The following PDE11A variants were observed in gnomAD, a reference collection of about 807,000 sequenced individuals.
The protein encoded by PDE11A is phosphodiesterase 11A.
Under a neutral mutation model 100.5 loss-of-function variants are expected in PDE11A, and 100 were observed. That is an observed-to-expected ratio of 1.00 (90% CI 0.85 to 1.18). PDE11A has a LOEUF of 1.18. PDE11A is among the 50% of genes most tolerant of loss of function. PDE11A has a pLI of 0.00. For synonymous variants in PDE11A, 381 were observed against 420.8 expected, an observed-to-expected ratio of 0.91 and a Z score of 1.16; for missense variants, 1,141 against 1,152.6, an observed-to-expected ratio of 0.99 and a Z score of 0.15.
At chr2:177,858,939 C>T (rs2083893007) in intron 5 of PDE11A, among the ~76,000 whole-genome samples, 1 of 152,076 alleles carries the variant, frequency 6.6e-6, no homozygotes, top group Non-Finnish European at 1.5e-5. Flanking sequence ...AGTTCATGTC[C>T]TTTGTAGGGA....
At chr2:177,883,001 G>A (rs1037223249) in intron 4 of PDE11A, among the ~76,000 whole-genome samples, 3 of 152,154 alleles carry the variant, frequency 2.0e-5, no homozygotes, top group African/African-American at 7.2e-5. Flanking sequence ...CAAGTGTGGT[G>A]GCTCACACCT....
At chr2:177,791,151 T>C (rs892210685) in intron 9 of PDE11A, among the ~76,000 whole-genome samples, 8 of 151,980 alleles carry the variant, frequency 5.3e-5, no homozygotes, top group African/African-American at 7.3e-5. Flanking sequence ...TGTCCAACAA[T>C]GATAGACTGG....
chr2:177,955,481 A>G (rs1371272971), intron 2 of PDE11A, among the ~76,000 whole-genome samples: 1 of 152,172 alleles, frequency 6.6e-6, no homozygotes, highest in Non-Finnish European at 1.5e-5. Flanking sequence ...AGCAGTTAGG[A>G]CCTGGAAATT....
At chr2:177,661,615 G>A (rs2080486466) in intron 19 of PDE11A, among the ~76,000 whole-genome samples, 1 of 152,282 alleles carries the variant, frequency 6.6e-6, no homozygotes, top group Admixed American at 6.5e-5. Context: ...TCAGTTGAGG[G>A]CTCTTAAAAT....
At chr2:177,888,285 C>A (rs1481298158) in intron 4 of PDE11A, among the ~76,000 whole-genome samples, 2 of 152,050 alleles carry the variant, frequency 1.3e-5, no homozygotes, top group Non-Finnish European at 2.9e-5. Context: ...GATACTGGTG[C>A]AGAAATAAAC....
chr2:178,093,950 A>G (rs1325005158), intron 2 of PDE11A, among the ~76,000 whole-genome samples: 2 of 148,854 alleles, frequency 1.3e-5, no homozygotes, highest in African/African-American at 2.5e-5. Flanking sequence ...GCCAAATAAC[A>G]GCCCCACCAA....
chr2:177,809,992 G>A (rs930301879), intron 9 of PDE11A, among the ~76,000 whole-genome samples: 2 of 152,092 alleles, frequency 1.3e-5, no homozygotes, highest in African/African-American at 2.4e-5. Context: ...TTACCTTCAG[G>A]AAGTCAGATT....
At chr2:178,055,225 T>C (rs184311662) in intron 1 of PDE11A, among the ~76,000 whole-genome samples, 3,031 of 152,178 alleles carry the variant, frequency 0.02, 51 homozygotes, top group Non-Finnish European at 0.031. Context: ...GAAACCATCA[T>C]TGTGAGCAAA....
chr2:177,641,474 G>C (rs560999694), intron 19 of PDE11A, among the ~76,000 whole-genome samples: 6 of 150,912 alleles, frequency 4.0e-5, no homozygotes, highest in South Asian at 2.1e-4. Flanking sequence ...TGGCAGGAGA[G>C]AGCTAAAATG....
At chr2:178,008,407 A>G (rs1320347716) in intron 2 of PDE11A, among the ~76,000 whole-genome samples, 2 of 152,150 alleles carry the variant, frequency 1.3e-5, no homozygotes, top group Non-Finnish European at 2.9e-5. Flanking sequence ...AAGGTAATCT[A>G]ATTTTTTAAA....
intron 18 of PDE11A, among the ~76,000 whole-genome samples, chr2:177,665,676 C>A (rs1344123954): frequency 6.6e-6 from 1 of 150,650 alleles, no homozygotes. Context: ...GCCAACATGG[C>A]GAAACCCTGT....
intron 10 of PDE11A, among the ~76,000 whole-genome samples, chr2:177,766,436 T>C (rs1468258594): frequency 6.6e-6 from 1 of 152,172 alleles, no homozygotes; most frequent in East Asian, 1.9e-4. Context: ...GATAACTGAT[T>C]CCAGACTTCA....
intron 9 of PDE11A, among the ~76,000 whole-genome samples, chr2:177,803,838 C>T (rs1010932538): frequency 6.6e-6 from 1 of 151,910 alleles, no homozygotes; most frequent in Admixed American, 6.6e-5. Flanking sequence ...AAATTCACAG[C>T]CAACATCATA....
intron 19 of PDE11A, among the ~76,000 whole-genome samples, chr2:177,638,250 C>T (rs764184384): frequency 2.6e-5 from 4 of 151,944 alleles, no homozygotes; most frequent in Non-Finnish European, 5.9e-5. Context: ...CCACCTGCCT[C>T]GCCCTCCCAA....
chr2:177,769,394 A>T (rs764735808), intron 9 of PDE11A, 21 bp from the exon 10 acceptor site: 25 of 1,410,292 alleles, frequency 1.8e-5, no homozygotes, highest in Admixed American at 5.0e-5. Flanking sequence ...AGAAAAAAAA[A>T]TAATTTTAAT....
chr2:178,017,335 T>C (rs1286570798), intron 1 of PDE11A, among the ~76,000 whole-genome samples: 1 of 152,242 alleles, frequency 6.6e-6, no homozygotes, highest in Non-Finnish European at 1.5e-5. Flanking sequence ...AAATAAATTA[T>C]GATCTTGTGG....
intron 11 of PDE11A, 106 bp downstream of exon 11, chr2:177,727,920 G>C (rs2081623852): frequency 9.3e-7 from 1 of 1,075,414 alleles, no homozygotes; most frequent in Non-Finnish European, 1.4e-6. Context: ...AGGTGTGCAG[G>C]GCAGGGATTA....
chr2:177,850,713 A>C lies in PDE11A; in HGVS notation c.1368-10330T>G, dbSNP rs567223717. On this transcript the variant is annotated intron_variant, in intron 5 of 19. Transcript: ENST00000286063. ...AGAAAAAAACAAACAACCCCATCAA[A>C]AAGTGGGCGAAGGATATGAACAGAC... Among the ~76,000 whole-genome samples, 6 of 152,336 alleles carry C rather than the reference A, an allele frequency of 3.9e-5. No individual in the cohort carries two copies. The South Asian group carries it at 1.2e-3, about 32-fold the overall frequency.
At chr2:177,707,429 C>T (rs1009564309) in intron 13 of PDE11A, among the ~76,000 whole-genome samples, 10 of 152,180 alleles carry the variant, frequency 6.6e-5, no homozygotes, top group South Asian at 6.2e-4. Flanking sequence ...ATGGCTGGGT[C>T]TCCTAGAAAT....
Sources: gnomAD v4.1 joint callset for allele counts (sites outside exome capture counted in the v4.1 genomes callset) on GRCh38, gnomAD v4.1.1 for gene constraint, MANE v1.5 for transcripts, NCBI Gene and HGNC (gene_info 2026-07-23, HGNC 2026-07-21) for gene names.